DNAL1: variants seen among roughly 807,000 people sequenced by gnomAD.
DNAL1 encodes the protein chromosome 14 open reading frame 168.
Under a neutral mutation model 29.4 loss-of-function variants are expected in DNAL1, and 17 were observed. The ratio of observed to expected loss-of-function variants is 0.58; its 90% CI spans 0.40 to 0.87. DNAL1 has a LOEUF of 0.87. Among genes scored for constraint, DNAL1 ranks in the 40% least tolerant of loss-of-function variants. The pLI is 0.00. For missense variants in DNAL1, 188 were observed against 214.1 expected (o/e 0.88, Z 0.76); for synonymous variants, 78 against 76.3 (o/e 1.02, Z -0.12).
chr14:73,654,779 T>A, intron 1 of DNAL1, 68 bp from the exon 2 acceptor site: 1 of 1,382,620 alleles, frequency 7.2e-7, no homozygotes, highest in Admixed American at 2.6e-5. Flanking sequence ...CATACATACA[T>A]ACATACATAC....
intron 1 of DNAL1, among the ~76,000 whole-genome samples, chr14:73,649,085 C>T (rs1398377074): frequency 6.6e-6 from 1 of 151,302 alleles, no homozygotes; most frequent in Non-Finnish European, 1.5e-5. Context: ...AAGCAATTCT[C>T]CTCGTCAGCC....
intron 1 of DNAL1, among the ~76,000 whole-genome samples, chr14:73,648,808 A>G (rs1349666857): frequency 6.6e-6 from 1 of 151,154 alleles, no homozygotes; most frequent in Non-Finnish European, 1.5e-5. Context: ...TTTGTTTTCG[A>G]ATTTTAGGCA....
intron 4 of DNAL1, 55 bp from the exon 5 acceptor site, chr14:73,671,484 TACA>T (rs1595213077): frequency 1.5e-6 from 2 of 1,359,406 alleles, no homozygotes; most frequent in East Asian, 2.8e-5. Context: ...ATTCTAGATT[TACA>T]ACAATTGTGT....
chr14:73,652,780 CTA>C (rs1387490103), intron 1 of DNAL1, among the ~76,000 whole-genome samples: 1 of 152,000 alleles, frequency 6.6e-6, no homozygotes, highest in Non-Finnish European at 1.5e-5. Flanking sequence ...CATTTGTTTT[CTA>C]TCTCTTATTT....
chr14:73,689,362 C>A lies in DNAL1; in HGVS notation c.392-13C>A, dbSNP rs1437066233. On this transcript the variant is annotated splice_polypyrimidine_tract_variant and intron_variant, in intron 6 of 7. Transcript: ENST00000553645. The stretch of plus-strand genomic sequence containing the variant: ...TTAGTGTTTTAATATGGAAAATATT[C>A]TTTTACTTGTAGCTGAGTTTGTGAA... 4 of 1,551,442 alleles carry A rather than the reference C, an allele frequency of 2.6e-6. No individual in the cohort carries two copies. Among genetic ancestry groups the A allele is most frequent in the South Asian group, 1.2e-5 (1 of 84,048 alleles).
intron 4 of DNAL1, among the ~76,000 whole-genome samples, chr14:73,663,149 T>TTTA (rs1891394074): frequency 6.6e-6 from 1 of 152,054 alleles, no homozygotes; most frequent in South Asian, 2.1e-4. Flanking sequence ...ACATATAAAC[T>TTTA]TGAATAAAGT....
chr14:73,688,278 G>C (rs895492861), intron 6 of DNAL1, among the ~76,000 whole-genome samples: 2 of 152,180 alleles, frequency 1.3e-5, no homozygotes, highest in Admixed American at 1.3e-4. Context: ...TCACAGCTTA[G>C]TGGGGAAAAT....
Position 73,660,954 on chromosome 14 carries a change from A to C in DNAL1, c.153-1033A>C, listed in dbSNP as rs78050447. 8.3e-3 allele frequency among the ~76,000 whole-genome samples: 1,264 copies of C among 152,284 alleles called. 25 individuals carry two copies. Among genetic ancestry groups the C allele is most frequent in the African/African-American group, 0.029 (1,196 of 41,558 alleles). On this transcript the variant is annotated intron_variant, in intron 3 of 7. Coordinates refer to ENST00000553645, the MANE Select transcript of DNAL1 (RefSeq NM_031427.4). ...AACCATATTCCTAGATTTAAAGGCA[A>C]TCCATTATTCACTGGGAGTTCTCAG...
At chr14:73,665,040 T>C (rs557011014) in intron 4 of DNAL1, among the ~76,000 whole-genome samples, 189 of 152,238 alleles carry the variant, frequency 1.2e-3, no homozygotes, top group Non-Finnish European at 1.6e-3. Context: ...TTAGTATATA[T>C]ATAGAGTACT....
rs535209111 is a variant in DNAL1 at position 73,696,794 on chromosome 14, G to A, written c.*852G>A. ...CCTAGACTAAATGCTGGCCATTGAT[G>A]TATGTCAAAATTTACCCTAATTATT... On this transcript the variant is annotated 3_prime_UTR_variant, in exon 8 of 8. Coordinates refer to ENST00000553645, the MANE Select transcript of DNAL1 (RefSeq NM_031427.4). 6.6e-6 allele frequency: 1 copy of A among 152,310 alleles called. No homozygotes were observed. The highest frequency in any genetic ancestry group is 2.1e-4 in the South Asian group (1 of 4,828). The allele number at this position is 152,310 out of a possible 1,614,324, so 9.4% of individuals were successfully genotyped here.
rs1198440330 is a variant in DNAL1 at position 73,702,921 on chromosome 14, G to A, written c.*6979G>A. The A allele has an allele frequency of 1.3e-5, 2 of 149,734 alleles. No homozygotes were observed. Among genetic ancestry groups the A allele is most frequent in the South Asian group, 4.2e-4 (2 of 4,738 alleles). The allele number at this position is 149,734 out of a possible 1,614,324, so 9.3% of individuals were successfully genotyped here. On this transcript the variant is annotated 3_prime_UTR_variant, in exon 8 of 8. Coordinates refer to ENST00000553645, the MANE Select transcript of DNAL1 (RefSeq NM_031427.4). ...AGGCAGGAGTTTGAGACCAGCCTAG[G>A]CAACATCGTGAGACCCCATCTCTAC... is the stretch of plus-strand genomic sequence containing the variant.
chr14:73,693,118 G>A (rs984060997), intron 7 of DNAL1, among the ~76,000 whole-genome samples: 2 of 152,150 alleles, frequency 1.3e-5, no homozygotes, highest in Non-Finnish European at 2.9e-5. Context: ...ACAGGTGTGA[G>A]CCACCGCGCC....
intron 1 of DNAL1, among the ~76,000 whole-genome samples, chr14:73,648,877 C>T (rs996065941): frequency 5.3e-5 from 8 of 150,372 alleles, no homozygotes; most frequent in African/African-American, 1.5e-4. Context: ...TATCTTCTCT[C>T]GGCCAGAAGA....
At chr14:73,662,139 T>C (rs930643014) in intron 4 of DNAL1, 97 bp downstream of exon 4, 3 of 1,038,038 alleles carry the variant, frequency 2.9e-6, no homozygotes, top group Non-Finnish European at 1.4e-6. Flanking sequence ...GGCACCTGTT[T>C]TAGCCATACT....
chr14:73,683,811 G>T (rs1220730577), intron 5 of DNAL1, among the ~76,000 whole-genome samples: 10 of 152,072 alleles, frequency 6.6e-5, no homozygotes, highest in Admixed American at 6.5e-4. Context: ...AGGTTCAAGC[G>T]ATTCTCTTGC....
intron 2 of DNAL1, among the ~76,000 whole-genome samples, chr14:73,657,200 A>G (rs1041230727): frequency 6.6e-6 from 1 of 152,002 alleles, no homozygotes; most frequent in African/African-American, 2.4e-5. Flanking sequence ...CTGAGCTTCT[A>G]GTTTTGTTTT....
At chr14:73,685,460 A>ATTTT (rs200537222) in intron 5 of DNAL1, among the ~76,000 whole-genome samples, 5 of 139,604 alleles carry the variant, frequency 3.6e-5, no homozygotes, top group East Asian at 2.1e-4. Flanking sequence ...TTTCTGCTTA[A>ATTTT]TTTTTTTTTT....
At chr14:73,648,071 G>T (rs1279270356) in intron 1 of DNAL1, among the ~76,000 whole-genome samples, 1 of 151,918 alleles carries the variant, frequency 6.6e-6, no homozygotes, top group Admixed American at 6.6e-5. Context: ...TCTGCCCCTA[G>T]GGCTCAAGTG....
rs1892438188 is a variant in DNAL1, at chr14:73,701,626, C to G, written c.*5684C>G. On this transcript the variant is annotated 3_prime_UTR_variant, in exon 8 of 8. Coordinates refer to ENST00000553645, the MANE Select transcript of DNAL1 (RefSeq NM_031427.4). Reference sequence around the variant, plus strand: ...CAGTAGGGTACCTGCCTCTGAGGTGCTACTGCCTGGAGGGATCACTCCCAT... The same window carrying G: ...CAGTAGGGTACCTGCCTCTGAGGTGGTACTGCCTGGAGGGATCACTCCCAT... 6.6e-6 allele frequency: 1 copy of G among 152,206 alleles called. No individual in the cohort carries two copies. Among genetic ancestry groups the G allele is most frequent in the Non-Finnish European group, 1.5e-5 (1 of 68,046 alleles). 9.4% of individuals were successfully genotyped at this position (152,206 alleles called of 1,614,324 possible).
Sources: allele counts gnomAD v4.1 joint callset (sites outside exome capture counted in the v4.1 genomes callset), GRCh38; gene constraint gnomAD v4.1.1; transcripts MANE v1.5; gene names NCBI Gene and HGNC (gene_info 2026-07-23, HGNC 2026-07-21).